Variants in INPP5A observed in about 807,000 individuals in gnomAD.
The protein encoded by INPP5A is inositol polyphosphate-5-phosphatase A, also known as 43 kDa inositol polyphosphate 5-phophatase.
Under a neutral mutation model 65.2 loss-of-function variants are expected in INPP5A, and 14 were observed. The observed-to-expected ratio is 0.21, with a 90% CI of 0.14 to 0.34. The LOEUF is 0.34. INPP5A is among the 10% of genes least tolerant of loss of function. The pLI is 1.00. For synonymous variants in INPP5A, 207 were observed against 208.3 expected (o/e 0.99, Z 0.05); for missense variants, 431 against 545.6 (o/e 0.79, Z 2.09).
At chr10:132,680,517 G>A (rs1425969869) in intron 4 of INPP5A, among the ~76,000 whole-genome samples, 2 of 152,372 alleles carry the variant, frequency 1.3e-5, no homozygotes, top group East Asian at 1.9e-4. Context: ...CACAGCCCTC[G>A]CTCGCTCTCG....
chr10:132,564,822 G>A (rs925953629), intron 1 of INPP5A, among the ~76,000 whole-genome samples: 6 of 152,106 alleles, frequency 3.9e-5, no homozygotes, highest in Admixed American at 2.0e-4. Context: ...GTGGGATGGC[G>A]TCACCTGGGG....
chr10:132,560,350 C>A (rs555101640), intron 1 of INPP5A, among the ~76,000 whole-genome samples: 38 of 152,318 alleles, frequency 2.5e-4, no homozygotes, highest in African/African-American at 9.1e-4. Flanking sequence ...CAGACTCTTT[C>A]CACAGCAGCT....
intron 2 of INPP5A, among the ~76,000 whole-genome samples, chr10:132,615,174 G>A (rs2072014828): frequency 1.3e-5 from 2 of 152,202 alleles, no homozygotes; most frequent in Admixed American, 6.5e-5. Flanking sequence ...ACAGTGGCCC[G>A]ATCCACGTCT....
At chr10:132,592,035 A>G (rs1844080988) in intron 1 of INPP5A, among the ~76,000 whole-genome samples, 1 of 152,240 alleles carries the variant, frequency 6.6e-6, no homozygotes, top group African/African-American at 2.4e-5. Flanking sequence ...CTATTAAACA[A>G]GAAATAATAA....
Position 132,551,656 on chromosome 10 carries a change from C to A in INPP5A, c.75+13485C>A, listed in dbSNP as rs2133254666. ...CTGTTTGCTGTAACGGCTGTGCCTC[C>A]CTCGCTGCTGCAGTGGGCAGTGTGT... is the stretch of plus-strand genomic sequence containing the variant. On this transcript the variant is annotated intron_variant, in intron 1 of 15. Coordinates refer to ENST00000368594, the MANE Select transcript of INPP5A (RefSeq NM_005539.5). This position sits in a 1 kb window ranked among gnomAD's most constrained non-coding sequence, Gnocchi z 5.3. 6.6e-6 allele frequency among the ~76,000 whole-genome samples: 1 copy of A among 152,302 alleles called. No individual in the cohort carries two copies. Among genetic ancestry groups the A allele is most frequent in the East Asian group, 1.9e-4 (1 of 5,188 alleles).
At chr10:132,569,781 G>A (rs2071316078) in intron 1 of INPP5A, among the ~76,000 whole-genome samples, 1 of 150,796 alleles carries the variant, frequency 6.6e-6, no homozygotes, top group Admixed American at 6.6e-5. Flanking sequence ...TGTGATTACA[G>A]GTGTGAGCCA....
chr10:132,702,362 C>T (rs993827238), intron 6 of INPP5A, among the ~76,000 whole-genome samples: 1 of 152,088 alleles, frequency 6.6e-6, no homozygotes, highest in Non-Finnish European at 1.5e-5. Flanking sequence ...AAAAATTCTC[C>T]ATTACTGTGG....
Position 132,720,819 on chromosome 10 carries a change from T to G in INPP5A, c.648-6002T>G, listed in dbSNP as rs374508568. ...GCGCCTTAGATGGCTGTCTTGCGGG[T>G]TCTGTGGTACCTGGGTTCTGTCTGG... On this transcript the variant is annotated intron_variant, in intron 8 of 15. Coordinates refer to ENST00000368594, the MANE Select transcript of INPP5A (RefSeq NM_005539.5). 1.4e-4 allele frequency among the ~76,000 whole-genome samples: 21 copies of G among 146,570 alleles called. No homozygotes were observed. The East Asian group carries it at 2.9e-3, about 20-fold the overall frequency.
At chr10:132,711,950 G>C (rs1845643774) in intron 8 of INPP5A, among the ~76,000 whole-genome samples, 1 of 152,196 alleles carries the variant, frequency 6.6e-6, no homozygotes, top group Non-Finnish European at 1.5e-5. Flanking sequence ...AGTCCATGTG[G>C]AGGGGTCCGT....
intron 1 of INPP5A, among the ~76,000 whole-genome samples, chr10:132,541,863 C>T (rs1252235089): frequency 6.6e-6 from 1 of 152,234 alleles, no homozygotes; most frequent in East Asian, 1.9e-4. Context: ...TGGGACTTTC[C>T]CAGGCTTATG....
intron 1 of INPP5A, among the ~76,000 whole-genome samples, chr10:132,588,582 C>T (rs917091222): frequency 1.3e-5 from 2 of 152,242 alleles, no homozygotes; most frequent in Non-Finnish European, 2.9e-5. Context: ...ATCAGCAGCA[C>T]GGCCCTGGGT....
At chr10:132,571,201 C>T (rs1199685288) in intron 1 of INPP5A, among the ~76,000 whole-genome samples, 1 of 152,266 alleles carries the variant, frequency 6.6e-6, no homozygotes, top group Non-Finnish European at 1.5e-5. Context: ...GTGCCTTTTG[C>T]TGAATGAGGT....
chr10:132,725,170 A>G (rs1315867737), intron 8 of INPP5A, among the ~76,000 whole-genome samples: 1 of 152,256 alleles, frequency 6.6e-6, no homozygotes, highest in East Asian at 1.9e-4. Flanking sequence ...AGAAAATGCA[A>G]ATTTTGATAT....
At chr10:132,642,806 G>T (rs543014465) in intron 2 of INPP5A, among the ~76,000 whole-genome samples, 10 of 152,350 alleles carry the variant, frequency 6.6e-5, no homozygotes, top group Admixed American at 3.9e-4. Context: ...GCGGCCGCAC[G>T]TGGGGATAAA....
At chr10:132,619,666 C>G (rs1379572157) in intron 2 of INPP5A, among the ~76,000 whole-genome samples, 1 of 152,194 alleles carries the variant, frequency 6.6e-6, no homozygotes, top group African/African-American at 2.4e-5. Context: ...AGGCTTTTGC[C>G]TGGGCACCTG....
chr10:132,566,302 T>C (rs2071274169), intron 1 of INPP5A, among the ~76,000 whole-genome samples: 2 of 152,168 alleles, frequency 1.3e-5, no homozygotes, highest in Admixed American at 1.3e-4. Context: ...GCTCCAGATG[T>C]AGGTGTTTCC....
chr10:132,539,808 C>G lies in INPP5A; in HGVS notation c.75+1637C>G, dbSNP rs1590814420. On this transcript the variant is annotated intron_variant, in intron 1 of 15. Coordinates refer to ENST00000368594, the MANE Select transcript of INPP5A (RefSeq NM_005539.5). ...GGAGGTCTTGTGTCTTTGCTGGCAG[C>G]AAGCATGGGTGAAGTGTTTGATGAA... Among the ~76,000 whole-genome samples, 6 of 152,124 alleles carry G rather than the reference C, an allele frequency of 3.9e-5. No homozygotes were observed. The South Asian group carries it at 1.2e-3, about 31-fold the overall frequency.
At chr10:132,710,074 G>A (rs115394395) in intron 7 of INPP5A, among the ~76,000 whole-genome samples, 108 of 152,400 alleles carry the variant, frequency 7.1e-4, no homozygotes, top group African/African-American at 2.4e-3. Context: ...TCACCTGTAA[G>A]TTTTTCTCTT....
chr10:132,570,539 T>A (rs2071328419), intron 1 of INPP5A, among the ~76,000 whole-genome samples: 1 of 152,212 alleles, frequency 6.6e-6, no homozygotes, highest in Admixed American at 6.5e-5. Flanking sequence ...GCTGGCCTGG[T>A]GCTGCTGCTG....
Sources: gnomAD v4.1 joint callset for allele counts (sites outside exome capture counted in the v4.1 genomes callset) on GRCh38, gnomAD v4.1.1 for gene constraint, Gnocchi (gnomAD v3.1) non-coding constraint, MANE v1.5 for transcripts, NCBI Gene and HGNC (gene_info 2026-07-23, HGNC 2026-07-21) for gene names.